The following PRKD2 variants were observed in gnomAD, a reference collection of about 807,000 sequenced individuals.
PRKD2 encodes protein kinase D2.
PRKD2 carries 22 observed loss-of-function variants against 86.0 expected under a neutral mutation model. That is an observed-to-expected ratio of 0.26 (90% CI 0.18 to 0.37). The LOEUF (loss-of-function observed/expected upper bound fraction) is 0.37. PRKD2 is among the 10% of genes least tolerant of loss of function. The pLI, the probability that PRKD2 is intolerant of heterozygous loss-of-function variation, is 1.00. For missense variants in PRKD2, 818 were observed against 1,199.2 expected (o/e 0.68, Z 4.70); for synonymous variants, 509 against 510.9 (o/e 1.00, Z 0.05).
At chr19:46,701,992 GTT>G (rs2053641844) in intron 5 of PRKD2, among the ~76,000 whole-genome samples, 1 of 147,240 alleles carries the variant, frequency 6.8e-6, no homozygotes, top group Non-Finnish European at 1.5e-5. Context: ...AGATTCTAGA[GTT>G]TACTAAAAAC....
intron 17 of PRKD2, 69 bp downstream of exon 17, chr19:46,674,964 C>T (rs1284489219): frequency 7.0e-7 from 1 of 1,432,650 alleles, no homozygotes; most frequent in Non-Finnish European, 9.6e-7. Context: ...ACCTGCCTAG[C>T]CAATAAGCGA....
rs534268702 is a variant in PRKD2 at position 46,694,230 on chromosome 19, A to G, written c.1318-97T>C. On this transcript the variant is annotated intron_variant, in intron 9 of 17. Coordinates refer to ENST00000291281, the MANE Select transcript of PRKD2 (RefSeq NM_016457.5). Reference sequence around the variant, plus strand: ...ATACACGGGATCCATGTTGATAGGGATGGGCCTGGTTTGCACAGTGGTCAG... The same window carrying G: ...ATACACGGGATCCATGTTGATAGGGGTGGGCCTGGTTTGCACAGTGGTCAG... 1.9e-4 allele frequency: 280 copies of G among 1,496,068 alleles called. No homozygotes were observed. The African/African-American group carries it at 3.6e-3, about 19-fold the overall frequency. The allele number at this position is 1,496,068 out of a possible 1,614,324, so 92.7% of individuals were successfully genotyped here.
At position 46,700,483 on chromosome 19, in the gene PRKD2, A is replaced by C. The variant is rs147260008; in HGVS notation, c.1121+316T>G. 6.3e-3 allele frequency among the ~76,000 whole-genome samples: 950 copies of C among 151,962 alleles called. 14 individuals are homozygous for C. The highest frequency in any genetic ancestry group is 0.021 in the African/African-American group (889 of 41,420). On this transcript the variant is annotated intron_variant, in intron 7 of 17. Coordinates refer to ENST00000291281, the MANE Select transcript of PRKD2 (RefSeq NM_016457.5). Reference sequence around the variant, plus strand: ...ACCCTGTCTCTACAGAAATACAAAAATTAGCTGGGTGTGGTGGACGAGCCT... The same window carrying C: ...ACCCTGTCTCTACAGAAATACAAAACTTAGCTGGGTGTGGTGGACGAGCCT...
At position 46,701,633 on chromosome 19, in the gene PRKD2, C is replaced by T. The variant is rs528618755; in HGVS notation, c.890-521G>A. ...CTCCTAAAAGTGCTGGGATTACAGG[C>T]GTGAGCCACCGCGCCCGACTTGTGT... On this transcript the variant is annotated intron_variant, in intron 5 of 17. Transcript: ENST00000291281. Among the ~76,000 whole-genome samples the T allele has an allele frequency of 5.4e-3, 813 of 150,714 alleles. 8 individuals carry two copies. The highest frequency in any genetic ancestry group is 7.9e-3 in the Non-Finnish European group (537 of 67,638).
rs976864089 is a variant in PRKD2, at chr19:46,678,187, G to A, written c.2338+209C>T. On this transcript the variant is annotated intron_variant, in intron 16 of 17. Transcript: ENST00000291281. The surrounding 1 kb of genome is among the most constrained non-coding windows in gnomAD (Gnocchi z 5.7). Reference sequence around the variant, plus strand: ...CTGGGGCACTTGGTTTCCAGCCCAAGTAACCTAGTCTAGGCCTGAGTCCCA... The same window carrying A: ...CTGGGGCACTTGGTTTCCAGCCCAAATAACCTAGTCTAGGCCTGAGTCCCA... Among the ~76,000 whole-genome samples, 24 of 152,294 alleles carry A rather than the reference G, an allele frequency of 1.6e-4. No individual in the cohort carries two copies. Among genetic ancestry groups the A allele is most frequent in the African/African-American group, 5.8e-4 (24 of 41,558 alleles).
intron 14 of PRKD2, among the ~76,000 whole-genome samples, chr19:46,682,405 T>G (rs1012922785): frequency 1.3e-5 from 2 of 152,082 alleles, no homozygotes; most frequent in African/African-American, 4.8e-5. Flanking sequence ...TCCACCCACC[T>G]TGGCCTCCCA....
At position 46,701,052 on chromosome 19, in the gene PRKD2, T is replaced by A; in HGVS notation, c.950A>T (p.Glu317Val). 6.2e-7 allele frequency: 1 copy of A among 1,614,086 alleles called. No homozygotes were observed. The highest frequency in any genetic ancestry group is 8.5e-7 in the Non-Finnish European group (1 of 1,179,996). ...CCTCTCACCTCCATTGATAAGGGCC[T>A]CCCCCAGGCAGTCATTAGGGACGCG... ...ATRVPNDCLG[E>V]ALINGDVPME... Residue 317 changes from glutamate to valine, a missense_variant, in exon 6 of 18, where the codon GAG becomes GTG. Around this residue, in one of 5 missense-constraint regions of PRKD2, gnomAD observed 403 missense variants for 518.6 expected, o/e 0.78. Transcript: ENST00000291281.
chr19:46,710,596 G>T (rs1019191797), intron 3 of PRKD2: 1 of 342,330 alleles, frequency 2.9e-6, no homozygotes, highest in Non-Finnish European at 5.4e-6. Flanking sequence ...ATCCCTAACT[G>T]ATAGAGGCCC....
chr19:46,699,915 T>G, intron 7 of PRKD2, among the ~76,000 whole-genome samples: 2 of 105,360 alleles, frequency 1.9e-5, no homozygotes, highest in African/African-American at 4.5e-5. Context: ...AGACCCCCTA[T>G]CTTAAAAAAA....
chr19:46,690,510 C>T, intron 13 of PRKD2, 90 bp downstream of exon 13: 4 of 1,142,806 alleles, frequency 3.5e-6, no homozygotes, highest in African/African-American at 1.5e-5. Context: ...CACATGCCCT[C>T]CCCCAGGAAG....
intron 12 of PRKD2, among the ~76,000 whole-genome samples, chr19:46,691,128 G>A (rs1340802047): frequency 6.6e-6 from 1 of 152,012 alleles, no homozygotes; most frequent in Non-Finnish European, 1.5e-5. Flanking sequence ...TGAACTCTAG[G>A]ATCTAGCTCT....
chr19:46,709,871 T>C (rs1055702460), intron 3 of PRKD2, among the ~76,000 whole-genome samples: 1 of 123,038 alleles, frequency 8.1e-6, no homozygotes, highest in Non-Finnish European at 2.0e-5. Context: ...ATAGGATGGA[T>C]TTTTTTTTCT....
chr19:46,674,319 T>C lies in PRKD2; in HGVS notation c.*204A>G, dbSNP rs2053161681. On this transcript the variant is annotated 3_prime_UTR_variant, in exon 18 of 18. Coordinates refer to ENST00000291281, the MANE Select transcript of PRKD2 (RefSeq NM_016457.5). ...GTAATGATTCGAGAGTGCCGTGTGC[T>C]GAGATCAAGGCCATGGGGCCAGAGA... 4 of 590,542 alleles carry C rather than the reference T, an allele frequency of 6.8e-6. No homozygotes were observed. The East Asian group carries it at 8.6e-5, about 13-fold the overall frequency. The allele number at this position is 590,542 out of a possible 1,614,324, so 36.6% of individuals were successfully genotyped here.
intron 4 of PRKD2, 46 bp from the exon 5 acceptor site, chr19:46,704,437 A>C (rs2053682050): frequency 3.7e-6 from 6 of 1,613,866 alleles, no homozygotes; most frequent in Non-Finnish European, 5.1e-6. Context: ...CGTTGGCCCC[A>C]TGCCTGGGCC....
At chr19:46,698,614 T>G (rs925311508) in intron 7 of PRKD2, among the ~76,000 whole-genome samples, 1 of 152,196 alleles carries the variant, frequency 6.6e-6, no homozygotes, top group Non-Finnish European at 1.5e-5. Context: ...GGGCCTCACC[T>G]CCCTCATTTG....
Position 46,678,244 on chromosome 19 carries a change from G to A in PRKD2, c.2338+152C>T, listed in dbSNP as rs1599807983. ...CTTTTACAGGACGGCTCCTCCTGTA[G>A]CCACATCCCTCCAGTAGGCCCGCCC... On this transcript the variant is annotated intron_variant, in intron 16 of 17. Coordinates refer to ENST00000291281, the MANE Select transcript of PRKD2 (RefSeq NM_016457.5). This position sits in a 1 kb window ranked among gnomAD's most constrained non-coding sequence, Gnocchi z 5.7. 3 of 1,226,180 alleles carry A rather than the reference G, an allele frequency of 2.4e-6. No homozygotes were observed. In the East Asian group the frequency reaches 7.6e-5, roughly 31 times the overall value. 76.0% of individuals were successfully genotyped at this position (1,226,180 alleles called of 1,614,324 possible).
In PRKD2 at chr19:46,714,128, C is replaced by T. The variant is rs2053849401; in HGVS notation, c.241-127G>A. The T allele has an allele frequency of 2.1e-6, 3 of 1,417,852 alleles. No individual in the cohort carries two copies. The East Asian group carries it at 7.7e-5, about 36-fold the overall frequency. 87.8% of individuals were successfully genotyped at this position (1,417,852 alleles called of 1,614,324 possible). ...GAAACGCAGAGACCCCGCAGGCCCT[C>T]GCTTCCTGCCTGCCCCCTCCCAACC... On this transcript the variant is annotated intron_variant, in intron 1 of 17. Coordinates refer to ENST00000291281, the MANE Select transcript of PRKD2 (RefSeq NM_016457.5).
intron 14 of PRKD2, among the ~76,000 whole-genome samples, chr19:46,686,379 G>C (rs565666936): frequency 6.6e-6 from 1 of 151,392 alleles, no homozygotes; most frequent in South Asian, 2.1e-4. Context: ...TCATGCCTGT[G>C]GTTCCAGCTA....
chr19:46,679,190 A>G (rs544669436), intron 15 of PRKD2, among the ~76,000 whole-genome samples: 4 of 152,186 alleles, frequency 2.6e-5, no homozygotes, highest in African/African-American at 9.6e-5. Context: ...TAAAAATACA[A>G]AAATTAGCAC....
Sources: gnomAD v4.1 joint callset for allele counts (sites outside exome capture counted in the v4.1 genomes callset) on GRCh38, gnomAD v4.1.1 for gene constraint, gnomAD v4.1.1 regional missense constraint, Gnocchi (gnomAD v3.1) non-coding constraint, MANE v1.5 for transcripts, NCBI Gene and HGNC (gene_info 2026-07-23, HGNC 2026-07-21) for gene names.